The following MICU1 variants were observed in gnomAD, a reference collection of about 807,000 sequenced individuals.
MICU1 encodes the protein calcium uptake protein 1, mitochondrial.
Under a neutral mutation model 56.8 loss-of-function variants are expected in MICU1, and 45 were observed. The observed-to-expected ratio is 0.79, with a 90% CI of 0.62 to 1.02. The LOEUF (loss-of-function observed/expected upper bound fraction) is 1.02. MICU1 is among the 50% of genes least tolerant of loss of function. MICU1 has a pLI of 0.00. For missense variants in MICU1, 504 were observed against 587.1 expected (o/e 0.86, Z 1.46); for synonymous variants, 186 against 195.1 (o/e 0.95, Z 0.39).
Position 72,549,586 on chromosome 10 carries a change from C to T in MICU1, c.493+1593G>A, listed in dbSNP as rs975996386. The stretch of plus-strand genomic sequence containing the variant: ...TGAGCTATTATTCATTTTTCAAAAC[C>T]CAACTCAAATAGCACTCCATTTAGA... On this transcript the variant is annotated intron_variant, in intron 4 of 11. Transcript: ENST00000361114. 3.3e-5 allele frequency among the ~76,000 whole-genome samples: 5 copies of T among 151,952 alleles called. No individual in the cohort carries two copies. In the East Asian group the frequency reaches 9.6e-4, roughly 29 times the overall value.
At chr10:72,430,744 G>A (rs1864498608) in intron 8 of MICU1, among the ~76,000 whole-genome samples, 1 of 151,252 alleles carries the variant, frequency 6.6e-6, no homozygotes, top group African/African-American at 2.4e-5. Flanking sequence ...TATTTTTAGT[G>A]GAGACGTGGT....
chr10:72,495,914 T>C (rs749794036), intron 6 of MICU1, among the ~76,000 whole-genome samples: 43 of 152,040 alleles, frequency 2.8e-4, no homozygotes, highest in Non-Finnish European at 5.7e-4. Flanking sequence ...TGAGGATGCC[T>C]GGAGCAATAT....
At chr10:72,575,568 A>G (rs934788821) in intron 1 of MICU1, among the ~76,000 whole-genome samples, 2 of 152,180 alleles carry the variant, frequency 1.3e-5, no homozygotes, top group African/African-American at 4.8e-5. Flanking sequence ...CAGCATACAC[A>G]TACTTTGTGT....
At chr10:72,386,007 C>G (rs1225420959) in intron 10 of MICU1, among the ~76,000 whole-genome samples, 2 of 152,132 alleles carry the variant, frequency 1.3e-5, no homozygotes, top group Non-Finnish European at 2.9e-5. Context: ...TGAATTCTGC[C>G]AACAGCAGGA....
At chr10:72,462,225 T>C (rs1865659709) in intron 8 of MICU1, among the ~76,000 whole-genome samples, 1 of 151,560 alleles carries the variant, frequency 6.6e-6, no homozygotes, top group Non-Finnish European at 1.5e-5. Flanking sequence ...TTTTCTTTTT[T>C]TTTTTTTTTG....
Position 72,368,061 on chromosome 10 carries a change from C to A in MICU1, c.*134G>T. The A allele has an allele frequency of 1.1e-6, 1 of 947,052 alleles. No homozygotes were observed. The highest frequency in any genetic ancestry group is 1.5e-6 in the Non-Finnish European group (1 of 648,890). 58.7% of individuals were successfully genotyped at this position (947,052 alleles called of 1,614,324 possible). ...ACGGGGAAGGGTAAAGAGGGGAAAC[C>A]GACAGAGTCCTGAGGTCATCCCGGG... is the stretch of plus-strand genomic sequence containing the variant. On this transcript the variant is annotated 3_prime_UTR_variant, in exon 12 of 12. Coordinates refer to ENST00000361114, the MANE Select transcript of MICU1 (RefSeq NM_001195518.2).
intron 5 of MICU1, among the ~76,000 whole-genome samples, chr10:72,510,321 A>G (rs998051377): frequency 5.3e-5 from 8 of 152,196 alleles, no homozygotes; most frequent in Non-Finnish European, 1.2e-4. Context: ...GTACTATTAT[A>G]TATTTTTTAC....
intron 6 of MICU1, among the ~76,000 whole-genome samples, chr10:72,496,641 A>T (rs770314923): frequency 8.6e-5 from 13 of 151,944 alleles, no homozygotes; most frequent in Non-Finnish European, 1.9e-4. Context: ...TCACCATGTT[A>T]GCCAGGCTGG....
At chr10:72,424,597 G>A (rs371779024) in intron 8 of MICU1, among the ~76,000 whole-genome samples, 1 of 152,116 alleles carries the variant, frequency 6.6e-6, no homozygotes, top group Non-Finnish European at 1.5e-5. Context: ...GATTACAGGT[G>A]TGAGTCACTG....
rs371785378 is a variant in MICU1 at position 72,491,116 on chromosome 10, A to G, written c.653-13860T>C. Among the ~76,000 whole-genome samples the G allele has an allele frequency of 9.2e-5, 14 of 152,320 alleles. No homozygotes were observed. The East Asian group carries it at 1.9e-3, about 21-fold the overall frequency. ...GAAGACCGATGACCCTGTCTGTGAG[A>G]CCAATGTGGTCAAGATGAAACAATG... On this transcript the variant is annotated intron_variant, in intron 6 of 11. Transcript: ENST00000361114.
intron 5 of MICU1, among the ~76,000 whole-genome samples, chr10:72,526,399 G>C (rs796895170): frequency 1.4e-4 from 21 of 152,064 alleles, no homozygotes; most frequent in Non-Finnish European, 5.9e-5. Flanking sequence ...GGGTTCAAGT[G>C]AATCTCCTGC....
intron 9 of MICU1, among the ~76,000 whole-genome samples, chr10:72,408,880 A>T (rs1863716357): frequency 6.6e-6 from 1 of 152,182 alleles, no homozygotes; most frequent in Non-Finnish European, 1.5e-5. Flanking sequence ...CTCAATTTAA[A>T]AGCTACCCAC....
intron 1 of MICU1, among the ~76,000 whole-genome samples, chr10:72,613,086 A>G (rs912365643): frequency 6.6e-6 from 1 of 152,110 alleles, no homozygotes; most frequent in African/African-American, 2.4e-5. Flanking sequence ...ACTTTCAAAC[A>G]TGCAGGAAAT....
intron 8 of MICU1, among the ~76,000 whole-genome samples, chr10:72,460,146 A>G (rs1304147801): frequency 1.3e-5 from 2 of 152,172 alleles, no homozygotes; most frequent in African/African-American, 4.8e-5. Context: ...TTTAGGATAA[A>G]GTGTCCAAAT....
chr10:72,399,213 C>T (rs1224411237), intron 10 of MICU1, among the ~76,000 whole-genome samples: 2 of 151,414 alleles, frequency 1.3e-5, no homozygotes, highest in Non-Finnish European at 2.9e-5. Flanking sequence ...ATCACAAGGA[C>T]AGAAAACCAA....
At chr10:72,375,648 C>G (rs183584328) in intron 11 of MICU1, 135 bp downstream of exon 11, 1 of 733,146 alleles carries the variant, frequency 1.4e-6, no homozygotes, top group East Asian at 2.9e-5. Context: ...GGCTGAGGTG[C>G]TAATGTGAGA....
intron 11 of MICU1, among the ~76,000 whole-genome samples, chr10:72,374,737 T>A (rs1415018151): frequency 6.6e-6 from 1 of 150,986 alleles, no homozygotes; most frequent in Non-Finnish European, 1.5e-5. Flanking sequence ...GAGAGGGTGG[T>A]AATATAGTAA....
chr10:72,558,715 A>C (rs994099301), intron 3 of MICU1, among the ~76,000 whole-genome samples: 3 of 152,200 alleles, frequency 2.0e-5, no homozygotes, highest in Non-Finnish European at 4.4e-5. Context: ...AAAACCTAGC[A>C]AGTGAGAGAA....
chr10:72,490,272 C>A (rs1325371315), intron 6 of MICU1, among the ~76,000 whole-genome samples: 1 of 152,048 alleles, frequency 6.6e-6, no homozygotes, highest in East Asian at 1.9e-4. Flanking sequence ...ACTTGCTGAA[C>A]AAGATGTAGG....
Sources: allele counts gnomAD v4.1 joint callset (sites outside exome capture counted in the v4.1 genomes callset), GRCh38; gene constraint gnomAD v4.1.1; transcripts MANE v1.5; gene names NCBI Gene and HGNC (gene_info 2026-07-23, HGNC 2026-07-21).